The following PDE1C variants were observed in gnomAD, a reference collection of about 807,000 sequenced individuals.
PDE1C encodes dual specificity calcium/calmodulin-dependent 3',5'-cyclic nucleotide phosphodiesterase 1C.
A neutral mutation model predicts 93.1 loss-of-function variants in PDE1C; 62 were observed. The observed-to-expected ratio is 0.67, with a 90% confidence interval of 0.54 to 0.82. The LOEUF (loss-of-function observed/expected upper bound fraction) is 0.82, where lower values mean the gene tolerates loss of function less well. Among genes scored for constraint, PDE1C ranks in the 40% least tolerant of loss-of-function variants. The pLI is 0.00. For synonymous variants in PDE1C, 325 were observed against 310.1 expected (o/e 1.05, Z -0.50); for missense variants, 742 against 884.6 (o/e 0.84, Z 2.04).
At chr7:31,897,669 A>T (rs545574204) in intron 2 of PDE1C, among the ~76,000 whole-genome samples, 1 of 152,222 alleles carries the variant, frequency 6.6e-6, no homozygotes, top group South Asian at 2.1e-4. Context: ...CTCTCTGAGG[A>T]CCAGTTAACG....
At chr7:32,085,946 G>C in intron 3 of PDE1C, among the ~76,000 whole-genome samples, 1 of 150,780 alleles carries the variant, frequency 6.6e-6, no homozygotes, top group East Asian at 1.9e-4. Context: ...ACTGACACAA[G>C]ACAGGGATGC....
chr7:32,039,789 T>C (rs1791579707), intron 2 of PDE1C, among the ~76,000 whole-genome samples: 1 of 152,250 alleles, frequency 6.6e-6, no homozygotes, highest in African/African-American at 2.4e-5. Context: ...AAGTAAGGGA[T>C]GGAACTTCAT....
At chr7:32,049,305 T>C (rs1410723641) in intron 2 of PDE1C, among the ~76,000 whole-genome samples, 3 of 152,212 alleles carry the variant, frequency 2.0e-5, no homozygotes, top group Non-Finnish European at 1.5e-5. Context: ...TTCATTTTCC[T>C]CTCAATGACT....
At chr7:32,327,640 C>T (rs193184416) in intron 1 of PDE1C, among the ~76,000 whole-genome samples, 2 of 152,178 alleles carry the variant, frequency 1.3e-5, no homozygotes, top group Non-Finnish European at 2.9e-5. Context: ...GGTGGCGGCG[C>T]ATGCCTGTAG....
chr7:32,091,947 G>A (rs946556572), intron 3 of PDE1C, among the ~76,000 whole-genome samples: 8 of 152,194 alleles, frequency 5.3e-5, no homozygotes, highest in Admixed American at 1.3e-4. Context: ...GGTAGCCATG[G>A]AAACAGAGAG....
At chr7:31,743,329 T>C in the PDE1C span, among the ~76,000 whole-genome samples, 23 of 152,246 alleles carry the variant, frequency 1.5e-4, no homozygotes, top group African/African-American at 3.6e-4. Flanking sequence ...ACGGGCCTTC[T>C]TCGGATCAAA....
intron 2 of PDE1C, among the ~76,000 whole-genome samples, chr7:31,896,040 C>T (rs1166966313): frequency 6.8e-6 from 1 of 146,360 alleles, no homozygotes; most frequent in Admixed American, 6.8e-5. Context: ...AACACACACA[C>T]AAACTGCCCC....
intron 1 of PDE1C, among the ~76,000 whole-genome samples, chr7:32,328,912 A>G (rs215632): frequency 0.53 from 80,828 of 152,088 alleles, 23,993 homozygotes; most frequent in Admixed American, 0.68. Flanking sequence ...GAGATCAATA[A>G]ATTTTTGTCA....
rs1585122313 is a variant in PDE1C at position 32,354,363 on chromosome 7, A to G, written c.310+73459T>C. Among the ~76,000 whole-genome samples the G allele has an allele frequency of 2.6e-5, 4 of 152,310 alleles. No individual in the cohort carries two copies. The South Asian group carries it at 8.3e-4, about 32-fold the overall frequency. On this transcript the variant is annotated intron_variant, in intron 1 of 1. Coordinates refer to the PDE1C transcript ENST00000672256. Reference sequence around the variant, plus strand: ...AAGTTTGGGCCAGGTGCAGTAGCTCATGCCTGTAATCTTGGTACTTCAGGA... The same window carrying G: ...AAGTTTGGGCCAGGTGCAGTAGCTCGTGCCTGTAATCTTGGTACTTCAGGA...
Position 31,753,229 on chromosome 7 carries a change from A to T in PDE1C, c.*155T>A. ...TACAAGAACAACAAAGAGGAAAATC[A>T]CATACAACTTTCATTTCACCTTGGT... On this transcript the variant is annotated 3_prime_UTR_variant, in exon 18 of 18. Coordinates refer to ENST00000396191, the MANE Select transcript of PDE1C (RefSeq NM_001191057.4). 1.1e-6 allele frequency: 1 copy of T among 909,952 alleles called. No individual in the cohort carries two copies. Among genetic ancestry groups the T allele is most frequent in the Non-Finnish European group, 1.6e-6 (1 of 621,188 alleles). The allele number at this position is 909,952 out of a possible 1,614,324, so 56.4% of individuals were successfully genotyped here.
chr7:32,205,708 T>A (rs528819299), intron 2 of PDE1C, among the ~76,000 whole-genome samples: 35 of 152,294 alleles, frequency 2.3e-4, no homozygotes, highest in African/African-American at 7.5e-4. Flanking sequence ...CTGCACTACC[T>A]TTATGAGCTG....
chr7:31,723,406 C>T, the PDE1C span, among the ~76,000 whole-genome samples: 4 of 152,182 alleles, frequency 2.6e-5, no homozygotes, highest in South Asian at 8.3e-4. Context: ...TGGTCCCCTC[C>T]TGATGTTTCA....
the PDE1C span, among the ~76,000 whole-genome samples, chr7:31,726,483 C>A: frequency 6.6e-6 from 1 of 152,166 alleles, no homozygotes; most frequent in Non-Finnish European, 1.5e-5. Flanking sequence ...ACAAGCAGGC[C>A]TTGGCATTCT....
intron 1 of PDE1C, among the ~76,000 whole-genome samples, chr7:32,362,197 G>A (rs1585125840): frequency 6.6e-6 from 1 of 152,188 alleles, no homozygotes. Context: ...GGGAGGATGT[G>A]TGTAATGCCT....
At chr7:31,929,889 A>G (rs928866646) in intron 2 of PDE1C, among the ~76,000 whole-genome samples, 1 of 152,218 alleles carries the variant, frequency 6.6e-6, no homozygotes, top group Non-Finnish European at 1.5e-5. Flanking sequence ...AACAAATTCA[A>G]AAGCTAGCAG....
the PDE1C span, among the ~76,000 whole-genome samples, chr7:31,626,303 A>G: frequency 2.0e-5 from 3 of 152,222 alleles, no homozygotes; most frequent in Non-Finnish European, 4.4e-5. Flanking sequence ...CCAACTGCAT[A>G]ACTCCTTTTG....
chr7:31,738,881 T>G, the PDE1C span, among the ~76,000 whole-genome samples: 1 of 152,046 alleles, frequency 6.6e-6, no homozygotes, highest in Non-Finnish European at 1.5e-5. Flanking sequence ...GGTGAGTATG[T>G]GATGAACTAG....
intron 2 of PDE1C, among the ~76,000 whole-genome samples, chr7:31,952,561 T>G (rs2008835): frequency 0.066 from 10,024 of 152,198 alleles, 574 homozygotes; most frequent in African/African-American, 0.16. Context: ...GAGTTACCCA[T>G]TTTTAGCAAA....
rs377440994 is a variant in PDE1C, at chr7:32,017,494, A to T, written c.128+34060T>A. Among the ~76,000 whole-genome samples the T allele has an allele frequency of 1.3e-3, 192 of 152,314 alleles. 2 individuals are homozygous for T. The South Asian group carries it at 0.038, about 30-fold the overall frequency. On this transcript the variant is annotated intron_variant, in intron 2 of 17. Coordinates refer to ENST00000396191, the MANE Select transcript of PDE1C (RefSeq NM_001191057.4). ...ACAAGCCACAAAAGAAAAACTTGATAAACGGGTCTATATCAAAATTAAAAC... is the reference window on the plus strand; with the variant it reads ...ACAAGCCACAAAAGAAAAACTTGATTAACGGGTCTATATCAAAATTAAAAC...
Sources: allele counts gnomAD v4.1 joint callset (sites outside exome capture counted in the v4.1 genomes callset), GRCh38; gene constraint gnomAD v4.1.1; transcripts MANE v1.5; gene names NCBI Gene and HGNC (gene_info 2026-07-23, HGNC 2026-07-21).